The following ARFGAP3 variants were observed in gnomAD, a reference collection of about 807,000 sequenced individuals.
ARFGAP3 encodes ARF GTPase activating protein 3.
ARFGAP3 carries 72 observed loss-of-function variants against 75.0 expected under a neutral mutation model. The ratio of observed to expected loss-of-function variants is 0.96; its 90% CI spans 0.79 to 1.17. The LOEUF is 1.17. Among genes scored for constraint, ARFGAP3 ranks in the 50% most tolerant of loss-of-function variants. The pLI is 0.00. For synonymous variants in ARFGAP3, 221 were observed against 217.9 expected, an observed-to-expected ratio of 1.01 and a Z score of -0.13; for missense variants, 620 against 626.6, an observed-to-expected ratio of 0.99 and a Z score of 0.11.
chr22:42,834,113 T>C, intron 5 of ARFGAP3, 129 bp downstream of exon 5: 2 of 812,156 alleles, frequency 2.5e-6, no homozygotes, highest in Non-Finnish European at 3.9e-6. Flanking sequence ...GTCATTTCTC[T>C]CTTCAGTAGT....
At chr22:42,834,727 C>T (rs1174460436) in intron 4 of ARFGAP3, among the ~76,000 whole-genome samples, 2 of 152,158 alleles carry the variant, frequency 1.3e-5, no homozygotes, top group Non-Finnish European at 2.9e-5. Context: ...AATAGTGCAG[C>T]AAAAAATGAG....
At chr22:42,813,487 A>G (rs1925457029) in intron 11 of ARFGAP3, among the ~76,000 whole-genome samples, 1 of 152,220 alleles carries the variant, frequency 6.6e-6, no homozygotes, top group African/African-American at 2.4e-5. Context: ...AGGAAATAAC[A>G]TTCTTCATTC....
intron 8 of ARFGAP3, among the ~76,000 whole-genome samples, chr22:42,823,121 T>C (rs139073158): frequency 6.6e-6 from 1 of 152,196 alleles, no homozygotes; most frequent in Non-Finnish European, 1.5e-5. Context: ...ATTGTTTTTT[T>C]TTCCCCCCCA....
chr22:42,841,865 CT>C (rs5845565), intron 2 of ARFGAP3, among the ~76,000 whole-genome samples: 49,465 of 137,566 alleles, frequency 0.36, 8,461 homozygotes, highest in Middle Eastern at 0.43. Flanking sequence ...TTACTAATTT[CT>C]TTTTTTTTTT....
intron 1 of ARFGAP3, among the ~76,000 whole-genome samples, chr22:42,849,626 C>A (rs929533614): frequency 3.3e-5 from 5 of 149,360 alleles, no homozygotes; most frequent in Non-Finnish European, 7.4e-5. Context: ...TGCAGTGGCA[C>A]GGTCCTAGCT....
Position 42,806,894 on chromosome 22 carries a change from T to C in ARFGAP3, c.1411+179A>G, listed in dbSNP as rs2273140. Among the ~76,000 whole-genome samples, 14 of 152,376 alleles carry C rather than the reference T, an allele frequency of 9.2e-5. No homozygotes were observed. The East Asian group carries it at 2.3e-3, about 25-fold the overall frequency. On this transcript the variant is annotated intron_variant, in intron 14 of 15. Coordinates refer to ENST00000263245, the MANE Select transcript of ARFGAP3 (RefSeq NM_014570.5). ...GGGATGTTGCTTTAATTTCATGACT[T>C]GGTCTCCTTACGTGTGAAGCCTGGA...
intron 3 of ARFGAP3, among the ~76,000 whole-genome samples, chr22:42,839,242 A>C (rs1926673403): frequency 6.6e-6 from 1 of 152,154 alleles, no homozygotes; most frequent in African/African-American, 2.4e-5. Context: ...AACTTAACAC[A>C]CAGTATTTAT....
chr22:42,832,507 G>C (rs1412200596), intron 5 of ARFGAP3, among the ~76,000 whole-genome samples: 1 of 150,808 alleles, frequency 6.6e-6, no homozygotes, highest in Admixed American at 6.6e-5. Flanking sequence ...CTCCAACGTG[G>C]GTGACAGAAG....
Position 42,807,056 on chromosome 22 carries a change from T to C in ARFGAP3, c.1411+17A>G. ...CGTAGACATGACAGAGACCAGCTCT[T>C]GTTCAGTGCCCCCTACCTGCTGGCT... On this transcript the variant is annotated intron_variant, in intron 14 of 15. Transcript: ENST00000263245. 1.9e-6 allele frequency: 3 copies of C among 1,597,366 alleles called. No individual in the cohort carries two copies. Among genetic ancestry groups the C allele is most frequent in the Non-Finnish European group, 2.6e-6 (3 of 1,172,370 alleles).
intron 6 of ARFGAP3, chr22:42,827,213 C>G (rs1926081182): frequency 2.3e-6 from 1 of 435,736 alleles, no homozygotes; most frequent in Non-Finnish European, 3.0e-6. Flanking sequence ...ATGGCTTTAT[C>G]AAATAAAAAT....
At chr22:42,835,785 C>T (rs1466891896) in intron 3 of ARFGAP3, among the ~76,000 whole-genome samples, 1 of 152,110 alleles carries the variant, frequency 6.6e-6, no homozygotes, top group Non-Finnish European at 1.5e-5. Flanking sequence ...TGTCACTGCA[C>T]TCCAGCCTGG....
chr22:42,845,204 A>G (rs959994886), intron 2 of ARFGAP3, among the ~76,000 whole-genome samples: 4 of 152,248 alleles, frequency 2.6e-5, no homozygotes, highest in African/African-American at 9.6e-5. Flanking sequence ...GTAGGTTACC[A>G]TAAGTTAACT....
At chr22:42,807,256 T>C (rs1474138682) in intron 13 of ARFGAP3, 93 bp from the exon 14 acceptor site, 49 of 1,485,944 alleles carry the variant, frequency 3.3e-5, no homozygotes, top group South Asian at 6.8e-5. Flanking sequence ...TTGAAAGTGT[T>C]TGACCCCCAG....
chr22:42,822,575 G>A (rs1163309266), intron 8 of ARFGAP3, 166 bp from the exon 9 acceptor site: 2 of 358,166 alleles, frequency 5.6e-6, no homozygotes, highest in Non-Finnish European at 7.8e-6. Context: ...TATTCCAGGA[G>A]TCCCTCAGCA....
chr22:42,845,424 C>A (rs2146581321), intron 2 of ARFGAP3, among the ~76,000 whole-genome samples: 1 of 151,336 alleles, frequency 6.6e-6, no homozygotes, highest in South Asian at 2.1e-4. Flanking sequence ...ACTTAGGAGA[C>A]TGAGGGCAGG....
At chr22:42,819,115 G>C (rs549644960) in intron 9 of ARFGAP3, among the ~76,000 whole-genome samples, 2 of 152,226 alleles carry the variant, frequency 1.3e-5, no homozygotes, top group African/African-American at 4.8e-5. Flanking sequence ...GCCCGGTGCA[G>C]AATTTCTTAT....
intron 9 of ARFGAP3, among the ~76,000 whole-genome samples, chr22:42,820,568 C>T (rs1925768680): frequency 6.6e-6 from 1 of 152,132 alleles, no homozygotes; most frequent in African/African-American, 2.4e-5. Flanking sequence ...TTAAACTAAT[C>T]CTTAAAACCA....
At position 42,857,265 on chromosome 22, in the gene ARFGAP3, C is replaced by G; in HGVS notation, c.-83G>C. On this transcript the variant is annotated 5_prime_UTR_variant, in exon 1 of 16. Coordinates refer to ENST00000263245, the MANE Select transcript of ARFGAP3 (RefSeq NM_014570.5). ...GCGGCTACCGCCTCAGCAGGAGCGA[C>G]GAGGCCGCGGGGGCGGGGCTGCGCG... is the stretch of plus-strand genomic sequence containing the variant. The G allele has an allele frequency of 2.0e-6, 3 of 1,467,700 alleles. No homozygotes were observed. Among genetic ancestry groups the G allele is most frequent in the Non-Finnish European group, 2.7e-6 (3 of 1,103,136 alleles). 90.9% of individuals were successfully genotyped at this position (1,467,700 alleles called of 1,614,324 possible).
In ARFGAP3 at chr22:42,799,081, TC is replaced by T. The variant is rs1924734768; in HGVS notation, c.1490del (p.Gly497GlufsTer11). On this transcript the variant is annotated frameshift_variant, in exon 15 of 16. Coordinates refer to ENST00000263245, the MANE Select transcript of ARFGAP3 (RefSeq NM_014570.5). LOFTEE classifies it high-confidence loss of function. ...QFKQGVRSVAGKLSVFANGVV... is the reference protein window; with the variant it reads ...QFKQGVRSVAXKLSVFANGVV... ...CTCCATTAGCAAAGACGGAGAGTTT[TC>T]CAGCAACCGATCTCACTCCCTGCTT... is the stretch of plus-strand genomic sequence containing the variant. 6.2e-7 allele frequency: 1 copy of T among 1,614,164 alleles called. No homozygotes were observed. Among genetic ancestry groups the T allele is most frequent in the Non-Finnish European group, 8.5e-7 (1 of 1,180,036 alleles).
Sources: gnomAD v4.1 joint callset for allele counts (sites outside exome capture counted in the v4.1 genomes callset) on GRCh38, gnomAD v4.1.1 for gene constraint, MANE v1.5 for transcripts, NCBI Gene and HGNC (gene_info 2026-07-23, HGNC 2026-07-21) for gene names.